MTMR8: variants seen among roughly 807,000 people sequenced by gnomAD.
The protein encoded by MTMR8 is phosphatidylinositol-3,5-bisphosphate 3-phosphatase MTMR8.
A neutral mutation model predicts 39.3 loss-of-function variants in MTMR8; 65 were observed. That is an observed-to-expected ratio of 1.65 (90% CI 1.35 to 2.03). MTMR8 has a LOEUF of 2.03. MTMR8 is among the 30% of genes most tolerant of loss of function. The pLI, the probability that MTMR8 is intolerant of heterozygous loss-of-function variation, is 0.00. For synonymous variants in MTMR8, 245 were observed against 185.2 expected (o/e 1.32, Z -2.62); for missense variants, 777 against 538.9 (o/e 1.44, Z -4.37).
chrX:64,345,205 A>T (rs1227532571), intron 6 of MTMR8, 28 bp from the exon 7 acceptor site: 1 of 1,194,992 alleles, frequency 8.4e-7, no homozygotes, highest in Non-Finnish European at 1.1e-6. Flanking sequence ...ATAATAGAGC[A>T]GATAGGCCAG....
intron 1 of MTMR8, among the ~76,000 whole-genome samples, chrX:64,375,045 A>G (rs1924230992): frequency 1.2e-5 from 1 of 82,376 alleles, no homozygotes; most frequent in Admixed American, 1.2e-4. Flanking sequence ...TATTGTTTTA[A>G]GCAAAAAAAA....
intron 12 of MTMR8, among the ~76,000 whole-genome samples, chrX:64,291,736 T>C (rs182160562): frequency 8.9e-6 from 1 of 111,818 alleles, no homozygotes; most frequent in East Asian, 2.8e-4. Flanking sequence ...GGACTCAGAA[T>C]TTGGAACACG....
chrX:64,322,767 G>C (rs1365425027), intron 12 of MTMR8, among the ~76,000 whole-genome samples: 1 of 112,367 alleles, frequency 8.9e-6, no homozygotes, highest in Non-Finnish European at 1.9e-5. Flanking sequence ...AGCTGTTACA[G>C]CACTCTATCC....
intron 12 of MTMR8, among the ~76,000 whole-genome samples, chrX:64,311,553 T>A (rs1443266870): frequency 5.4e-5 from 6 of 111,690 alleles, no homozygotes; most frequent in Non-Finnish European, 1.1e-4. Flanking sequence ...GGTGTTTTAG[T>A]CATGAAGTCC....
At position 64,356,292 on chromosome X, in the gene MTMR8, C is replaced by G; in HGVS notation, c.194G>C (p.Ser65Thr). Residue 65 changes from serine to threonine, a missense_variant, in exon 3 of 14, where the codon AGC (serine) becomes ACC (threonine). Coordinates refer to ENST00000374852, the MANE Select transcript of MTMR8 (RefSeq NM_017677.4). ...IATVEKLPIT[S>T]LGCPLTLRCK... ...GCGGAGGGTCAGGGGACAACCCAGG[C>G]TAGTGATGGGTAACTTCTCCACAGT... The G allele has an allele frequency of 8.3e-7, 1 of 1,208,614 alleles. No homozygotes were observed. The highest frequency in any genetic ancestry group is 1.1e-6 in the Non-Finnish European group (1 of 894,024).
At chrX:64,322,294 G>A (rs188433132) in intron 12 of MTMR8, among the ~76,000 whole-genome samples, 16 of 111,007 alleles carry the variant, frequency 1.4e-4, no homozygotes, top group African/African-American at 4.9e-4. Context: ...ACCATGACAA[G>A]GCCCTGTTTG....
intron 2 of MTMR8, among the ~76,000 whole-genome samples, chrX:64,358,843 G>GCA (rs762422321): frequency 0.052 from 4,751 of 91,042 alleles, 122 homozygotes; most frequent in East Asian, 0.061. Context: ...GCCCGTGCAT[G>GCA]CACACACACA....
At chrX:64,328,360 T>C (rs1162932753) in intron 12 of MTMR8, among the ~76,000 whole-genome samples, 3 of 112,116 alleles carry the variant, frequency 2.7e-5, no homozygotes, top group Admixed American at 9.5e-5. Flanking sequence ...CTCTGTTTTG[T>C]ATTCTTTGTG....
intron 10 of MTMR8, 150 bp from the exon 11 acceptor site, chrX:64,331,907 T>G: frequency 2.1e-6 from 1 of 479,215 alleles, no homozygotes; most frequent in Non-Finnish European, 3.6e-6. Context: ...ATCTCAAAGC[T>G]AGTCAATCCC....
intron 12 of MTMR8, among the ~76,000 whole-genome samples, chrX:64,283,441 T>C (rs1240809183): frequency 1.8e-5 from 2 of 111,941 alleles, no homozygotes; most frequent in Non-Finnish European, 3.8e-5. Flanking sequence ...CTCTGCAGAT[T>C]TAAATGTCTC....
At chrX:64,343,773 C>A (rs1242778837) in intron 7 of MTMR8, 53 bp from the exon 8 acceptor site, 2 of 853,007 alleles carry the variant, frequency 2.3e-6, no homozygotes, top group African/African-American at 2.0e-5. Context: ...TCAGTTTATT[C>A]ATTAAGGGGA....
intron 4 of MTMR8, among the ~76,000 whole-genome samples, chrX:64,351,624 C>T (rs775416650): frequency 9.0e-6 from 1 of 111,400 alleles, no homozygotes; most frequent in East Asian, 2.9e-4. Context: ...TGGATCATTC[C>T]GAGTCCCAAA....
chrX:64,354,392 T>C (rs1262971247), intron 4 of MTMR8, among the ~76,000 whole-genome samples: 3 of 111,518 alleles, frequency 2.7e-5, no homozygotes, highest in African/African-American at 9.8e-5. Flanking sequence ...TTACATATTG[T>C]ATGCCTGTAT....
intron 4 of MTMR8, among the ~76,000 whole-genome samples, chrX:64,351,159 CA>C (rs1423681506): frequency 1.1e-4 from 12 of 110,975 alleles, no homozygotes; most frequent in African/African-American, 3.6e-4. Flanking sequence ...AAAAGACCAA[CA>C]AGAGTATTTC....
intron 12 of MTMR8, among the ~76,000 whole-genome samples, chrX:64,289,474 C>CA (rs1378011766): frequency 1.8e-4 from 19 of 108,461 alleles, no homozygotes. Flanking sequence ...CCTGTCTCTA[C>CA]AAAAATAAAA....
At chrX:64,291,671 C>A (rs899993006) in intron 12 of MTMR8, among the ~76,000 whole-genome samples, 1 of 111,618 alleles carries the variant, frequency 9.0e-6, no homozygotes, top group Non-Finnish European at 1.9e-5. Flanking sequence ...TGGGACCTAC[C>A]AAGTCAATAG....
intron 1 of MTMR8, among the ~76,000 whole-genome samples, chrX:64,371,024 G>A (rs765857646): frequency 2.7e-5 from 3 of 111,399 alleles, no homozygotes; most frequent in African/African-American, 6.5e-5. Context: ...AGACATGGTG[G>A]TGCATGCCTG....
chrX:64,374,563 G>T (rs1428753811), intron 1 of MTMR8, among the ~76,000 whole-genome samples: 2 of 111,400 alleles, frequency 1.8e-5, no homozygotes, highest in African/African-American at 6.5e-5. Context: ...TCAGTATTTA[G>T]GAAACAGAAT....
intron 8 of MTMR8, among the ~76,000 whole-genome samples, chrX:64,340,189 A>G (rs1923178567): frequency 9.0e-6 from 1 of 111,690 alleles, no homozygotes; most frequent in East Asian, 2.8e-4. Flanking sequence ...ATAGGGAAGA[A>G]AAAAGAAGTT....
Sources: gnomAD v4.1 joint callset for allele counts (sites outside exome capture counted in the v4.1 genomes callset) on GRCh38, gnomAD v4.1.1 for gene constraint, MANE v1.5 for transcripts, NCBI Gene and HGNC (gene_info 2026-07-23, HGNC 2026-07-21) for gene names.